The following DSG1 variants were observed in gnomAD, a reference collection of about 807,000 sequenced individuals.
DSG1 encodes desmoglein 1.
DSG1 carries 39 observed loss-of-function variants against 97.5 expected under a neutral mutation model. The ratio of observed to expected loss-of-function variants is 0.40; its 90% confidence interval spans 0.31 to 0.52. DSG1 has a LOEUF of 0.52. DSG1 is among the 20% of genes least tolerant of loss of function. The probability of loss-of-function intolerance (pLI) is 0.53; values close to 1 mark genes in which losing one functional copy is unlikely to be tolerated. For synonymous variants in DSG1, 475 were observed against 443.4 expected, an observed-to-expected ratio of 1.07 and a Z score of -0.90; for missense variants, 1,311 against 1,295.4, an observed-to-expected ratio of 1.01 and a Z score of -0.18.
At chr18:31,324,968 T>C (rs1159366954) in intron 1 of DSG1, among the ~76,000 whole-genome samples, 1 of 152,236 alleles carries the variant, frequency 6.6e-6, no homozygotes, top group East Asian at 1.9e-4. Flanking sequence ...TCTACTCTTG[T>C]CATTTTACAA....
chr18:31,329,679 AATC>A (rs1390547683), intron 4 of DSG1, among the ~76,000 whole-genome samples: 1 of 151,878 alleles, frequency 6.6e-6, no homozygotes, highest in Non-Finnish European at 1.5e-5. Context: ...TAATAATAAT[AATC>A]ATAATAATAA....
intron 7 of DSG1, 120 bp downstream of exon 7, chr18:31,333,843 C>T: frequency 3.0e-6 from 4 of 1,314,130 alleles, no homozygotes; most frequent in Non-Finnish European, 4.4e-6. Context: ...AATGTAGACA[C>T]ATACTTTTTT....
Position 31,340,003 on chromosome 18 carries a change from C to T in DSG1, c.1665C>T (p.Ile555=). 6.2e-7 allele frequency: 1 copy of T among 1,614,076 alleles called. No homozygotes were observed. The highest frequency in any genetic ancestry group is 8.5e-7 in the Non-Finnish European group (1 of 1,179,990). Residue 555 remains isoleucine (I), a synonymous_variant, in exon 11 of 15, where the codon ATC becomes ATT. Transcript: ENST00000257192. The part of the protein sequence containing the change: ...HFGPAGIGLL[I]MGFLVLGLVP... Reference sequence around the variant, plus strand: ...GTCCTGCTGGCATTGGACTCCTCATCATGGGATTCTTGGTCTTAGGATGTA... The same window carrying T: ...GTCCTGCTGGCATTGGACTCCTCATTATGGGATTCTTGGTCTTAGGATGTA...
At chr18:31,343,332 A>G (rs1048301977) in intron 11 of DSG1, 118 bp from the exon 12 acceptor site, 236 of 1,460,376 alleles carry the variant, frequency 1.6e-4, no homozygotes, top group Non-Finnish European at 2.1e-4. Context: ...AACTTTCATA[A>G]TTTTAGAACC....
At chr18:31,329,299 T>C (rs2071706133) in intron 4 of DSG1, among the ~76,000 whole-genome samples, 1 of 152,050 alleles carries the variant, frequency 6.6e-6, no homozygotes, top group Non-Finnish European at 1.5e-5. Context: ...TTTGCTCCTG[T>C]TACCTCTTCT....
intron 14 of DSG1, among the ~76,000 whole-genome samples, chr18:31,348,309 T>C (rs914841163): frequency 1.3e-5 from 2 of 151,660 alleles, no homozygotes; most frequent in African/African-American, 4.9e-5. Context: ...CATCATTTTT[T>C]ATGGCTGCAT....
chr18:31,325,761 G>C (rs570362923), intron 1 of DSG1, among the ~76,000 whole-genome samples: 1 of 152,168 alleles, frequency 6.6e-6, no homozygotes, highest in African/African-American at 2.4e-5. Flanking sequence ...TTACTTGAGG[G>C]AATAGGCTAT....
intron 1 of DSG1, among the ~76,000 whole-genome samples, chr18:31,319,958 T>C (rs1218151206): frequency 6.6e-6 from 1 of 152,040 alleles, no homozygotes; most frequent in Non-Finnish European, 1.5e-5. Flanking sequence ...TTACCTTATT[T>C]TATATTGAAA....
At chr18:31,328,046 T>G (rs1472753336) in intron 3 of DSG1, 143 bp from the exon 4 acceptor site, 2 of 800,904 alleles carry the variant, frequency 2.5e-6, no homozygotes, top group Non-Finnish European at 3.9e-6. Flanking sequence ...ATTGTTACTC[T>G]TATCTAGGAA....
At position 31,338,337 on chromosome 18, in the gene DSG1, G is replaced by A. The variant is rs1242140746; in HGVS notation, c.1288G>A (p.Ala430Thr). 3 of 1,613,616 alleles carry A rather than the reference G, an allele frequency of 1.9e-6. No homozygotes were observed. Among genetic ancestry groups the A allele is most frequent in the African/African-American group, 1.3e-5 (1 of 74,876 alleles). Residue 430 changes from alanine (A) to threonine (T), a missense_variant, in exon 10 of 15, where the codon GCT becomes ACT. By Grantham distance (58) the Ala-to-Thr change is moderately conservative. Coordinates refer to ENST00000257192, the MANE Select transcript of DSG1 (RefSeq NM_001942.4). Reference protein sequence around the residue: ...TVRYVMGNNPADLLAVDSRTG... With the variant: ...TVRYVMGNNPTDLLAVDSRTG... ...CAGGTATGTAATGGGAAATAATCCA[G>A]CTGACCTGCTAGCTGTTGATTCAAG...
At chr18:31,351,396 G>C (rs1330944175) in intron 14 of DSG1, among the ~76,000 whole-genome samples, 1 of 147,306 alleles carries the variant, frequency 6.8e-6, no homozygotes, top group Non-Finnish European at 1.5e-5. Context: ...CCAGTATGTG[G>C]TCAATTTTGG....
At chr18:31,323,442 T>C (rs577266723) in intron 1 of DSG1, among the ~76,000 whole-genome samples, 3 of 152,338 alleles carry the variant, frequency 2.0e-5, no homozygotes, top group Non-Finnish European at 4.4e-5. Context: ...CCAATTTCCC[T>C]TTCCTAATTG....
Position 31,356,474 on chromosome 18 carries a change from G to C in DSG1, c.*1128G>C, listed in dbSNP as rs893486917. ...AAAATGTTTTTAGAACATGTAAAAT[G>C]TTTAATGGTGAAAGTTGGAAAAGAA... On this transcript the variant is annotated 3_prime_UTR_variant, in exon 15 of 15. Transcript: ENST00000257192. 6.6e-6 allele frequency: 1 copy of C among 152,008 alleles called. No individual in the cohort carries two copies. The highest frequency in any genetic ancestry group is 2.4e-5 in the African/African-American group (1 of 41,406). 9.4% of individuals were successfully genotyped at this position (152,008 alleles called of 1,614,324 possible). A position where few individuals can be genotyped will look rare whatever the true frequency, so the allele number is the denominator to read the frequency against.
rs1189467461 is a variant in DSG1 at position 31,328,475 on chromosome 18, A to G, written c.372+131A>G. On this transcript the variant is annotated intron_variant, in intron 4 of 14. Coordinates refer to ENST00000257192, the MANE Select transcript of DSG1 (RefSeq NM_001942.4). ...ATTTTTGGTTGTTTCTTAATTCACG[A>G]GCATCCCACGACTGAAAAGAAATGC... The G allele has an allele frequency of 8.0e-6, 7 of 877,064 alleles. No individual in the cohort carries two copies. In the East Asian group the frequency reaches 1.8e-4, roughly 23 times the overall value. The allele number at this position is 877,064 out of a possible 1,614,324, so 54.3% of individuals were successfully genotyped here. A position where few individuals can be genotyped will look rare whatever the true frequency, so the allele number is the denominator to read the frequency against.
chr18:31,329,775 A>G lies in DSG1; in HGVS notation c.373-117A>G, dbSNP rs2071709248. 3.0e-6 allele frequency: 4 copies of G among 1,311,904 alleles called. No individual in the cohort carries two copies. The South Asian group carries it at 3.6e-5, about 12-fold the overall frequency. The allele number at this position is 1,311,904 out of a possible 1,614,324, so 81.3% of individuals were successfully genotyped here. A position where few individuals can be genotyped will look rare whatever the true frequency, so the allele number is the denominator to read the frequency against. On this transcript the variant is annotated intron_variant, in intron 4 of 14. Coordinates refer to ENST00000257192, the MANE Select transcript of DSG1 (RefSeq NM_001942.4). ...GTGACTGTAAGTAGGGCTTGTGCCT[A>G]TGTTCTAAGTAGACATAATAATTCT... is the stretch of plus-strand genomic sequence containing the variant.
intron 5 of DSG1, 58 bp from the exon 6 acceptor site, chr18:31,331,643 C>G: frequency 6.5e-7 from 1 of 1,531,924 alleles, no homozygotes; most frequent in Non-Finnish European, 9.0e-7. Context: ...AGGTGATATA[C>G]TCTACTGTAA....
chr18:31,326,647 T>A, intron 2 of DSG1, 31 bp downstream of exon 2: 1 of 1,561,190 alleles, frequency 6.4e-7, no homozygotes, highest in South Asian at 1.1e-5. Context: ...TTTTCCAAAT[T>A]TTTAAACAAG....
At position 31,331,700 on chromosome 18, in the gene DSG1, G is replaced by T; in HGVS notation, c.518-1G>T. 2 of 1,611,994 alleles carry T rather than the reference G, an allele frequency of 1.2e-6. No homozygotes were observed. Among genetic ancestry groups the T allele is most frequent in the Non-Finnish European group, 1.7e-6 (2 of 1,178,722 alleles). On this transcript the variant is annotated splice_acceptor_variant, in intron 5 of 14. Coordinates refer to ENST00000257192, the MANE Select transcript of DSG1 (RefSeq NM_001942.4). LOFTEE classifies it high-confidence loss of function. The stretch of plus-strand genomic sequence containing the variant: ...TGCAATCAATTTTCCTTAATTTCTA[G>T]ATACACTGGTGATGATACTCAATGC...
chr18:31,333,464 G>T (rs2071732693), intron 6 of DSG1, 125 bp from the exon 7 acceptor site: 7 of 1,115,938 alleles, frequency 6.3e-6, no homozygotes, highest in Middle Eastern at 2.2e-4. Flanking sequence ...CCCATATTCT[G>T]TGTTAACCCT....
Sources: gnomAD v4.1 joint callset for allele counts (sites outside exome capture counted in the v4.1 genomes callset) on GRCh38, gnomAD v4.1.1 for gene constraint, MANE v1.5 for transcripts, NCBI Gene and HGNC (gene_info 2026-07-23, HGNC 2026-07-21) for gene names.